Variants in COG2 observed in about 807,000 individuals in gnomAD.
COG2 encodes conserved oligomeric Golgi complex subunit 2.
In COG2, 52 loss-of-function variants were observed where a neutral mutation model predicts 90.6. That is an observed-to-expected ratio of 0.57 (90% CI 0.46 to 0.72). The LOEUF is 0.72. Among genes scored for constraint, COG2 ranks in the 30% least tolerant of loss-of-function variants. The pLI is 0.00. For synonymous variants in COG2, 337 were observed against 320.4 expected (o/e 1.05, Z -0.55); for missense variants, 829 against 891.2 (o/e 0.93, Z 0.89).
intron 1 of COG2, among the ~76,000 whole-genome samples, chr1:230,648,807 G>A (rs1661847457): frequency 6.6e-6 from 1 of 152,118 alleles, no homozygotes; most frequent in Non-Finnish European, 1.5e-5. Flanking sequence ...ACAAAATGGG[G>A]CTTGGGCTTT....
chr1:230,660,718 G>C, intron 2 of COG2, 40 bp from the exon 3 acceptor site: 1 of 1,448,248 alleles, frequency 6.9e-7, no homozygotes. Context: ...TGTTACTCTT[G>C]ATTGTGAGGT....
At chr1:230,656,127 G>A (rs1662042042) in intron 1 of COG2, among the ~76,000 whole-genome samples, 1 of 151,962 alleles carries the variant, frequency 6.6e-6, no homozygotes, top group Non-Finnish European at 1.5e-5. Flanking sequence ...TCTGATCTTA[G>A]TTATTTCTCG....
Position 230,669,511 on chromosome 1 carries a change from A to G in COG2, c.750A>G (p.Val250=). 6.8e-6 allele frequency: 11 copies of G among 1,613,970 alleles called. No individual in the cohort carries two copies. The highest frequency in any genetic ancestry group is 2.2e-5 in the East Asian group (1 of 44,854). ...TRDAEALVGQ[V]LVKPYIDEVI... ...ACGCGGAGGCCTTAGTTGGCCAAGT[A>G]CTAGTGAAACCATACATAGACGAGG... Residue 250 remains valine (V), a synonymous_variant, in exon 7 of 18, where the codon GTA becomes GTG. Coordinates refer to ENST00000366669, the MANE Select transcript of COG2 (RefSeq NM_007357.3).
intron 10 of COG2, chr1:230,682,745 T>C (rs1662781718): frequency 1.3e-5 from 2 of 152,238 alleles, no homozygotes; most frequent in Admixed American, 1.3e-4. Flanking sequence ...GCATCAGAAT[T>C]CATTACTAGT....
chr1:230,666,187 G>T (rs1662317280), intron 5 of COG2, among the ~76,000 whole-genome samples: 1 of 152,092 alleles, frequency 6.6e-6, no homozygotes, highest in African/African-American at 2.4e-5. Flanking sequence ...TTCTTTCCCT[G>T]CCTCTCTCCA....
chr1:230,675,842 G>A (rs1180073982), intron 9 of COG2, among the ~76,000 whole-genome samples: 1 of 151,922 alleles, frequency 6.6e-6, no homozygotes, highest in Non-Finnish European at 1.5e-5. Flanking sequence ...TTTCTGTGGA[G>A]ATGGGTCTCA....
intron 2 of COG2, among the ~76,000 whole-genome samples, chr1:230,660,478 A>T (rs1013939008): frequency 8.5e-5 from 13 of 152,196 alleles, no homozygotes; most frequent in African/African-American, 3.1e-4. Context: ...ATTCATTAAA[A>T]TATTTTATTC....
Position 230,685,247 on chromosome 1 carries a change from G to A in COG2, c.1380+11G>A. 6.2e-7 allele frequency: 1 copy of A among 1,613,802 alleles called. No homozygotes were observed. The highest frequency in any genetic ancestry group is 1.1e-5 in the South Asian group (1 of 91,006). ...GTGTTTGTCAATGAGGTAAGGGCTG[G>A]CTGTGGAGCTCATCCATAATCAATA... On this transcript the variant is annotated intron_variant, in intron 12 of 17. Coordinates refer to ENST00000366669, the MANE Select transcript of COG2 (RefSeq NM_007357.3).
At chr1:230,675,231 A>G in intron 9 of COG2, 107 bp downstream of exon 9, 16 of 1,325,558 alleles carry the variant, frequency 1.2e-5, no homozygotes, top group Non-Finnish European at 1.4e-5. Context: ...TTAAAAATAA[A>G]AATTTGAGTT....
chr1:230,670,073 T>G (rs967202678), intron 7 of COG2: 1 of 152,492 alleles, frequency 6.6e-6, no homozygotes, highest in Non-Finnish European at 1.5e-5. Flanking sequence ...AGGAGGAATA[T>G]TCAAAGATCA....
intron 2 of COG2, among the ~76,000 whole-genome samples, chr1:230,660,188 ACTCT>A (rs1662149823): frequency 6.6e-6 from 1 of 152,120 alleles, no homozygotes; most frequent in Admixed American, 6.6e-5. Context: ...TACTTTTAAA[ACTCT>A]CTCCAAAGAA....
intron 7 of COG2, 75 bp from the exon 8 acceptor site, chr1:230,671,441 A>C: frequency 7.3e-7 from 1 of 1,374,160 alleles, no homozygotes; most frequent in Non-Finnish European, 1.0e-6. Flanking sequence ...AGTTTTCTTT[A>C]TTGTTTTCTC....
chr1:230,685,559 C>T (rs1435935990), intron 12 of COG2, among the ~76,000 whole-genome samples: 1 of 152,026 alleles, frequency 6.6e-6, no homozygotes, highest in African/African-American at 2.4e-5. Flanking sequence ...ATTTTAATTT[C>T]AAGGTGATTA....
chr1:230,651,258 TG>T (rs996439923), intron 1 of COG2, among the ~76,000 whole-genome samples: 3 of 152,266 alleles, frequency 2.0e-5, no homozygotes, highest in Non-Finnish European at 2.9e-5. Context: ...TTTCTATATT[TG>T]GGGAACATTT....
At chr1:230,647,569 C>T (rs1300406940) in intron 1 of COG2, among the ~76,000 whole-genome samples, 3 of 152,282 alleles carry the variant, frequency 2.0e-5, no homozygotes, top group East Asian at 1.9e-4. Context: ...TGCAGTGTTT[C>T]TGGCTCTTGT....
At chr1:230,672,006 TA>T (rs2102759896) in intron 8 of COG2, among the ~76,000 whole-genome samples, 1 of 152,354 alleles carries the variant, frequency 6.6e-6, no homozygotes, top group South Asian at 2.1e-4. Context: ...CAACAGGTTT[TA>T]TACTAATTGT....
chr1:230,644,639 G>T (rs776831656), intron 1 of COG2, among the ~76,000 whole-genome samples: 2 of 152,172 alleles, frequency 1.3e-5, no homozygotes, highest in Non-Finnish European at 2.9e-5. Context: ...ACTGTGTTTA[G>T]GTTGCCATAG....
intron 1 of COG2, among the ~76,000 whole-genome samples, chr1:230,659,007 A>G (rs1002843378): frequency 6.6e-6 from 1 of 152,266 alleles, no homozygotes; most frequent in African/African-American, 2.4e-5. Flanking sequence ...GTGAATCACA[A>G]TGTTAGGTAG....
intron 7 of COG2, 54 bp downstream of exon 7, chr1:230,669,589 C>T: frequency 6.7e-7 from 1 of 1,481,488 alleles, no homozygotes; most frequent in Non-Finnish European, 9.2e-7. Flanking sequence ...GTCTTTGACT[C>T]TTTACTGGGT....
Sources: allele counts gnomAD v4.1 joint callset (sites outside exome capture counted in the v4.1 genomes callset), GRCh38; gene constraint gnomAD v4.1.1; transcripts MANE v1.5; gene names NCBI Gene and HGNC (gene_info 2026-07-23, HGNC 2026-07-21).